STARD13: variants seen among roughly 807,000 people sequenced by gnomAD.
STARD13 encodes StAR related lipid transfer domain containing 13, also known as stAR-related lipid transfer protein 13.
Under a neutral mutation model 106.4 loss-of-function variants are expected in STARD13, and 62 were observed. The observed-to-expected ratio is 0.58, with a 90% CI of 0.48 to 0.72. The LOEUF (loss-of-function observed/expected upper bound fraction) is 0.72, where lower values mean the gene tolerates loss of function less well. Ranked by LOEUF, STARD13 falls within the 30% of genes least tolerant of loss-of-function variation. The pLI, the probability that STARD13 is intolerant of heterozygous loss-of-function variation, is 0.00. For missense variants in STARD13, 1,387 were observed against 1,424.0 expected, an observed-to-expected ratio of 0.97 and a Z score of 0.42; for synonymous variants, 565 against 553.0, an observed-to-expected ratio of 1.02 and a Z score of -0.31.
chr13:33,423,414 G>C, the STARD13 span, among the ~76,000 whole-genome samples: 2 of 152,226 alleles, frequency 1.3e-5, no homozygotes, highest in African/African-American at 4.8e-5. Flanking sequence ...ACACCAGTTA[G>C]AATGGCAATC....
the STARD13 span, among the ~76,000 whole-genome samples, chr13:33,472,879 T>C: frequency 5.9e-5 from 9 of 152,006 alleles, no homozygotes; most frequent in Admixed American, 2.6e-4. Context: ...TTTTAGAATA[T>C]CTTTGGCTCC....
downstream of STARD13, among the ~76,000 whole-genome samples, chr13:33,346,999 A>G (rs373752182): frequency 6.6e-6 from 1 of 152,228 alleles, no homozygotes; most frequent in African/African-American, 2.4e-5. Context: ...TATAGTAAGA[A>G]GAAAATTTTA....
chr13:33,129,550 G>C lies in STARD13; in HGVS notation c.1127C>G (p.Pro376Arg). The stretch of plus-strand genomic sequence containing the variant: ...CATACGGCTTTGGTCCCCTGCATCC[G>C]GCAGTGCTGTCCCCGCCAGCACATC... ...DLDVLAGTAL[P>R]DAGDQSRMHE... Residue 376 changes from proline to arginine, a missense_variant, in exon 5 of 14, where the codon CCG becomes CGG. By Grantham distance (103) the Pro-to-Arg change is moderately radical (BLOSUM62 -2). Transcript: ENST00000336934. 1.9e-6 allele frequency: 3 copies of C among 1,614,080 alleles called. No individual in the cohort carries two copies. In the East Asian group the frequency reaches 6.7e-5, roughly 36 times the overall value.
chr13:33,155,011 G>C (rs1294737002), intron 3 of STARD13, among the ~76,000 whole-genome samples: 3 of 152,024 alleles, frequency 2.0e-5, no homozygotes, highest in African/African-American at 7.2e-5. Context: ...CCCGTAGAGA[G>C]GATTCCCCGG....
upstream of STARD13, among the ~76,000 whole-genome samples, chr13:33,287,106 C>T (rs187886866): frequency 8.6e-4 from 131 of 152,206 alleles, no homozygotes; most frequent in African/African-American, 2.9e-3. Flanking sequence ...ATTTGGCTGA[C>T]GGAAACATAG....
At chr13:33,111,678 G>A in intron 10 of STARD13, 100 bp downstream of exon 10, 1 of 748,568 alleles carries the variant, frequency 1.3e-6, no homozygotes, top group East Asian at 2.6e-5. Context: ...CATAAAATCA[G>A]GAACAAACAG....
At chr13:33,277,379 A>G (rs1891500764) in intron 1 of STARD13, 1 of 152,150 alleles carries the variant, frequency 6.6e-6, no homozygotes, top group South Asian at 2.1e-4. Flanking sequence ...AAGCAAGCAG[A>G]TTTTACTAAT....
In STARD13 at chr13:33,110,706, T is replaced by C. The variant is rs779169355; in HGVS notation, c.2809A>G (p.Thr937Ala). The change falls in exon 11 of 14, where the codon ACA becomes GCA. Residue 937 changes from threonine (T) to alanine (A), a missense_variant. Coordinates refer to ENST00000336934, the MANE Select transcript of STARD13 (RefSeq NM_178006.4). ...ATTACCTTTTTGAAAGCAAGATCTG[T>C]ATTGTCCGTGCTGGAGCACGTGACC... Reference protein sequence around the residue: ...GWVTCSSTDNTDLAFKKVGDG... With the variant: ...GWVTCSSTDNADLAFKKVGDG... 8 of 1,614,198 alleles carry C rather than the reference T, an allele frequency of 5.0e-6. No individual in the cohort carries two copies. In the Admixed American group the frequency reaches 1.2e-4, roughly 24 times the overall value.
chr13:33,425,714 G>A, the STARD13 span, among the ~76,000 whole-genome samples: 1 of 152,144 alleles, frequency 6.6e-6, no homozygotes, highest in East Asian at 1.9e-4. Flanking sequence ...CATACAGACA[G>A]AAAGCAGTTT....
intron 1 of STARD13, among the ~76,000 whole-genome samples, chr13:33,341,472 A>C (rs1411900899): frequency 6.6e-6 from 1 of 151,936 alleles, no homozygotes; most frequent in Non-Finnish European, 1.5e-5. Flanking sequence ...TCCTGTCTCT[A>C]CTAAAAATAC....
chr13:33,428,059 T>C, the STARD13 span, among the ~76,000 whole-genome samples: 1 of 151,968 alleles, frequency 6.6e-6, no homozygotes, highest in Non-Finnish European at 1.5e-5. Context: ...AGAAAGGCAC[T>C]AGGAACATAC....
At chr13:33,199,586 G>C (rs973555517) in intron 1 of STARD13, among the ~76,000 whole-genome samples, 3 of 152,222 alleles carry the variant, frequency 2.0e-5, no homozygotes, top group African/African-American at 7.2e-5. Flanking sequence ...TGCTCTGCTA[G>C]AATGCCTGCC....
the STARD13 span, among the ~76,000 whole-genome samples, chr13:33,356,857 G>A: frequency 2.0e-5 from 3 of 152,190 alleles, no homozygotes; most frequent in South Asian, 2.1e-4. Context: ...TGGGAGGTAC[G>A]AGAATAGGAT....
At chr13:33,335,476 C>T (rs1341924104) in intron 1 of STARD13, among the ~76,000 whole-genome samples, 1 of 152,154 alleles carries the variant, frequency 6.6e-6, no homozygotes, top group Admixed American at 6.5e-5. Context: ...GGGTGGAGGT[C>T]CTGCAGTCAC....
At chr13:33,288,761 G>C (rs1025900200), upstream of STARD13, among the ~76,000 whole-genome samples, 16 of 151,960 alleles carry the variant, frequency 1.1e-4, no homozygotes, top group Admixed American at 5.9e-4. Context: ...TTATTTCATA[G>C]TTCAAGTAGT....
chr13:33,285,300 T>C (rs991959562), intron 1 of STARD13, among the ~76,000 whole-genome samples, 170 bp downstream of exon 1: 4 of 152,202 alleles, frequency 2.6e-5, no homozygotes, highest in African/African-American at 7.2e-5. Context: ...AGGACTGTCC[T>C]GTTTGCTGAA....
the STARD13 span, among the ~76,000 whole-genome samples, chr13:33,669,525 A>T: frequency 5.2e-5 from 7 of 135,596 alleles, no homozygotes; most frequent in South Asian, 2.4e-4. Flanking sequence ...TAAGAAGAGG[A>T]TGTTCTTTTT....
the STARD13 span, among the ~76,000 whole-genome samples, chr13:33,612,831 G>C: frequency 6.6e-6 from 1 of 152,188 alleles, no homozygotes; most frequent in East Asian, 1.9e-4. Context: ...ACAAAAGACC[G>C]AAGACTGTTC....
intron 1 of STARD13, chr13:33,276,275 G>C (rs567555767): frequency 6.6e-6 from 1 of 152,116 alleles, no homozygotes; most frequent in Non-Finnish European, 1.5e-5. Flanking sequence ...ATAACGCATG[G>C]GTTTACAGAA....
Sources: allele counts gnomAD v4.1 joint callset (sites outside exome capture counted in the v4.1 genomes callset), GRCh38; gene constraint gnomAD v4.1.1; transcripts MANE v1.5; gene names NCBI Gene and HGNC (gene_info 2026-07-23, HGNC 2026-07-21).